The following CEP95 variants were observed in gnomAD, a reference collection of about 807,000 sequenced individuals.
CEP95 encodes the protein centrosomal protein 95, also known as centrosomal protein of 95 kDa.
CEP95 carries 98 observed loss-of-function variants against 111.2 expected under a neutral mutation model. The observed-to-expected ratio is 0.88, with a 90% CI of 0.75 to 1.04. The LOEUF (loss-of-function observed/expected upper bound fraction) is 1.04, where lower values mean the gene tolerates loss of function less well. Among genes scored for constraint, CEP95 ranks in the 50% least tolerant of loss-of-function variants. The pLI, the probability that CEP95 is intolerant of heterozygous loss-of-function variation, is 0.00. For synonymous variants in CEP95, 323 were observed against 327.1 expected (o/e 0.99, Z 0.14); for missense variants, 1,027 against 977.2 (o/e 1.05, Z -0.68).
chr17:64,520,825 C>T (rs1967270767), intron 6 of CEP95, among the ~76,000 whole-genome samples: 1 of 152,152 alleles, frequency 6.6e-6, no homozygotes, highest in Non-Finnish European at 1.5e-5. Flanking sequence ...CCAGCATTTC[C>T]GTAACTCTGG....
chr17:64,535,146 T>G (rs1968562504), intron 17 of CEP95: 1 of 208,852 alleles, frequency 4.8e-6, no homozygotes, highest in East Asian at 1.3e-4. Context: ...TATGTCATCC[T>G]AATCAGGCTG....
rs868920222 is a variant in CEP95, at chr17:64,507,002, C to T, written c.-96C>T. On this transcript the variant is annotated 5_prime_UTR_variant, in exon 1 of 20. Coordinates refer to ENST00000556440, the MANE Select transcript of CEP95 (RefSeq NM_138363.3). ...CTTCCCCGCGCTTTGGTTCGTGCGT[C>T]CGCGCCCCAGTGTCGGGTCTGCGTG... The T allele has an allele frequency of 1.4e-6, 2 of 1,432,194 alleles. No individual in the cohort carries two copies. The highest frequency in any genetic ancestry group is 2.4e-5 in the South Asian group (2 of 81,734). 88.7% of individuals were successfully genotyped at this position (1,432,194 alleles called of 1,614,324 possible).
At chr17:64,533,268 C>A in intron 16 of CEP95, 77 bp downstream of exon 16, 1 of 1,230,700 alleles carries the variant, frequency 8.1e-7, no homozygotes, top group Non-Finnish European at 1.1e-6. Flanking sequence ...AGCTGGGCAA[C>A]AGTTGCACAG....
Position 64,537,615 on chromosome 17 carries a change from G to A in CEP95, c.2302G>A (p.Val768Met), listed in dbSNP as rs1968745822. 2 of 1,608,216 alleles carry A rather than the reference G, an allele frequency of 1.2e-6. No individual in the cohort carries two copies. The highest frequency in any genetic ancestry group is 3.3e-5 in the Admixed American group (2 of 59,710). ...EKSQAQTLHK[V>M]KRELRSKMEK... ...CTTCTTTTTTCAGACATTACATAAG[G>A]TGAAGAGGGAGCTGAGATCTAAGAT... Residue 768 changes from valine to methionine, a missense_variant, in exon 20 of 20, where the codon GTG becomes ATG. By Grantham distance (21) the Val-to-Met change is conservative. Transcript: ENST00000556440.
chr17:64,515,326 C>G (rs2039086044), intron 4 of CEP95, among the ~76,000 whole-genome samples: 1 of 152,140 alleles, frequency 6.6e-6, no homozygotes, highest in Non-Finnish European at 1.5e-5. Flanking sequence ...TGGGACTCAC[C>G]TAATTCAAGG....
chr17:64,519,649 A>G (rs1967157336), intron 6 of CEP95, among the ~76,000 whole-genome samples: 1 of 152,186 alleles, frequency 6.6e-6, no homozygotes, highest in Non-Finnish European at 1.5e-5. Context: ...AAGTGTATGC[A>G]AGGTTATTAG....
At chr17:64,507,314 G>T (rs1172860893) in intron 1 of CEP95, 198 bp downstream of exon 1, 2 of 1,447,892 alleles carry the variant, frequency 1.4e-6, no homozygotes, top group Non-Finnish European at 1.8e-6. Flanking sequence ...ACAGCAGTAT[G>T]CTGTGGGAGA....
Position 64,533,118 on chromosome 17 carries a change from T to C in CEP95, c.1844T>C (p.Ile615Thr), listed in dbSNP as rs782681507. 1.2e-5 allele frequency: 19 copies of C among 1,606,366 alleles called. 1 individual carries two copies. In the Admixed American group the frequency reaches 3.0e-4, roughly 25 times the overall value. The change falls in exon 16 of 20, where the codon ATA (isoleucine) becomes ACA (threonine). Residue 615 changes from isoleucine to threonine, a missense_variant and splice_region_variant. By Grantham distance (89) the Ile-to-Thr change is moderately conservative. Transcript: ENST00000556440. ...NRSKKKLQDE[I>T]EEALRRHDLL... ...CTTAACTTCATGTCCCCCTTCAAGATAGAAGAAGCCCTAAGAAGGCATGAC... is the reference window on the plus strand; with the variant it reads ...CTTAACTTCATGTCCCCCTTCAAGACAGAAGAAGCCCTAAGAAGGCATGAC...
At chr17:64,531,682 A>G (rs782603792) in intron 13 of CEP95, among the ~76,000 whole-genome samples, 2 of 152,198 alleles carry the variant, frequency 1.3e-5, no homozygotes, top group Non-Finnish European at 2.9e-5. Context: ...ATTCCAAGGG[A>G]TGCCAGAGGC....
intron 3 of CEP95, 89 bp downstream of exon 3, chr17:64,510,369 T>C: frequency 1.2e-6 from 1 of 846,382 alleles, no homozygotes; most frequent in Non-Finnish European, 1.9e-6. Flanking sequence ...ACCAAATGAG[T>C]GAGCTTATGG....
intron 3 of CEP95, 148 bp from the exon 4 acceptor site, chr17:64,514,100 T>C (rs1488538487): frequency 1.4e-5 from 6 of 438,306 alleles, no homozygotes; most frequent in Non-Finnish European, 2.5e-5. Context: ...TATTCTTTTT[T>C]TTATTTAATC....
Position 64,537,842 on chromosome 17 carries a change from G to T in CEP95, c.*63G>T. 9.6e-7 allele frequency: 1 copy of T among 1,041,644 alleles called. No homozygotes were observed. The allele number at this position is 1,041,644 out of a possible 1,614,324, so 64.5% of individuals were successfully genotyped here. Reference sequence around the variant, plus strand: ...CCTTTACCAGGACAGAGCTAGAATCGAGCCAGTAAACAGTCTAAGCCAGAA... The same window carrying T: ...CCTTTACCAGGACAGAGCTAGAATCTAGCCAGTAAACAGTCTAAGCCAGAA... On this transcript the variant is annotated 3_prime_UTR_variant, in exon 20 of 20. Coordinates refer to ENST00000556440, the MANE Select transcript of CEP95 (RefSeq NM_138363.3).
rs782251975 is a variant in CEP95, at chr17:64,516,854, A to T, written c.473+26A>T. 7.4e-6 allele frequency: 10 copies of T among 1,354,036 alleles called. No individual in the cohort carries two copies. In the Middle Eastern group the frequency reaches 7.2e-4, roughly 98 times the overall value. The allele number at this position is 1,354,036 out of a possible 1,614,324, so 83.9% of individuals were successfully genotyped here. A position where few individuals can be genotyped will look rare whatever the true frequency, so the allele number is the denominator to read the frequency against. Reference sequence around the variant, plus strand: ...GTAGCACTTAGTGTCTCTGAATTTGATGAAAACAAGTTACGCTTTTTGGAC... The same window carrying T: ...GTAGCACTTAGTGTCTCTGAATTTGTTGAAAACAAGTTACGCTTTTTGGAC... On this transcript the variant is annotated intron_variant, in intron 5 of 19. Coordinates refer to ENST00000556440, the MANE Select transcript of CEP95 (RefSeq NM_138363.3).
At chr17:64,526,319 GA>G (rs1555679113) in intron 10 of CEP95, 119 bp downstream of exon 10, 1 of 987,398 alleles carries the variant, frequency 1.0e-6, no homozygotes, top group East Asian at 2.6e-5. Context: ...TAGTTACTGT[GA>G]AAATGTTCCG....
At chr17:64,521,636 T>A in intron 7 of CEP95, 109 bp downstream of exon 7, 4 of 839,394 alleles carry the variant, frequency 4.8e-6, no homozygotes, top group Non-Finnish European at 7.0e-6. Flanking sequence ...TCCTTTTTGG[T>A]CTTACATGAT....
At chr17:64,530,652 G>C (rs1555680076) in intron 12 of CEP95, among the ~76,000 whole-genome samples, 1 of 152,040 alleles carries the variant, frequency 6.6e-6, no homozygotes, top group Non-Finnish European at 1.5e-5. Context: ...GGGATTACAG[G>C]CATGTGCCAC....
In CEP95 at chr17:64,532,023, GTAAGAACCACAGAA is replaced by G. The variant is rs1968316698; in HGVS notation, c.1672+3_1672+16del. The G allele has an allele frequency of 1.9e-6, 3 of 1,569,386 alleles. No individual in the cohort carries two copies. Among genetic ancestry groups the G allele is most frequent in the Middle Eastern group, 3.4e-4 (2 of 5,848 alleles). Reference sequence around the variant, plus strand: ...CCAAAGCCAAATAAAGCAGTTCCAAGTAAGAACCACAGAATTGTACTTTATGGAAAACTGGCAAC... The same window carrying G: ...CCAAAGCCAAATAAAGCAGTTCCAAGTTGTACTTTATGGAAAACTGGCAAC... On this transcript the variant is annotated splice_donor_variant and splice_donor_5th_base_variant and intron_variant, in intron 14 of 19. Transcript: ENST00000556440. LOFTEE classifies it high-confidence loss of function.
Position 64,521,920 on chromosome 17 carries a change from G to A in CEP95, c.715+393G>A, listed in dbSNP as rs546816113. Among the ~76,000 whole-genome samples, 16 of 152,184 alleles carry A rather than the reference G, an allele frequency of 1.1e-4. No homozygotes were observed. In the East Asian group the frequency reaches 3.1e-3, roughly 29 times the overall value. Reference sequence around the variant, plus strand: ...TGCCCAGGCTGGAGTGCAGTGGCATGATCTCGGCTCACTGCAACCTCCGCC... The same window carrying A: ...TGCCCAGGCTGGAGTGCAGTGGCATAATCTCGGCTCACTGCAACCTCCGCC... On this transcript the variant is annotated intron_variant, in intron 7 of 19. Coordinates refer to ENST00000556440, the MANE Select transcript of CEP95 (RefSeq NM_138363.3).
In CEP95 at chr17:64,532,872, T is replaced by C. The variant is rs1968375287; in HGVS notation, c.1706T>C (p.Met569Thr). 3 of 1,613,578 alleles carry C rather than the reference T, an allele frequency of 1.9e-6. No individual in the cohort carries two copies. The highest frequency in any genetic ancestry group is 1.3e-5 in the African/African-American group (1 of 74,924). Residue 569 changes from methionine to threonine, a missense_variant, in exon 15 of 20, where the codon ATG becomes ACG. Met to Thr is a moderately conservative substitution (Grantham distance 81). Coordinates refer to ENST00000556440, the MANE Select transcript of CEP95 (RefSeq NM_138363.3). ...KVSEHSLLPLMLEQFPFLYVS... is the reference protein window; with the variant it reads ...KVSEHSLLPLTLEQFPFLYVS... ...AGTGAACACAGTCTCCTGCCCCTTA[T>C]GCTGGAGCAGTTTCCGTTTCTTTAT...
Sources: gnomAD v4.1 joint callset for allele counts (sites outside exome capture counted in the v4.1 genomes callset) on GRCh38, gnomAD v4.1.1 for gene constraint, MANE v1.5 for transcripts, NCBI Gene and HGNC (gene_info 2026-07-23, HGNC 2026-07-21) for gene names.